Variants in CSMD1 observed in about 807,000 individuals in gnomAD.
CSMD1 encodes CUB and sushi domain-containing protein 1.
In CSMD1, 213 loss-of-function variants were observed where a neutral mutation model predicts 417.5. That is an observed-to-expected ratio of 0.51 (90% CI 0.46 to 0.57). The LOEUF (loss-of-function observed/expected upper bound fraction) is 0.57, where lower values mean the gene tolerates loss of function less well. Ranked by LOEUF, CSMD1 falls within the 20% of genes least tolerant of loss-of-function variation. CSMD1 has a pLI of 0.00. For synonymous variants in CSMD1, 2,862 were observed against 1,736.8 expected (o/e 1.65, Z -16.11); for missense variants, 6,923 against 4,529.7 (o/e 1.53, Z -15.17).
At chr8:4,650,550 G>A (rs1334744635) in intron 1 of CSMD1, among the ~76,000 whole-genome samples, 2 of 151,802 alleles carry the variant, frequency 1.3e-5, no homozygotes, top group Non-Finnish European at 2.9e-5. Context: ...TGATGCTTCT[G>A]CAGAAACAAC....
At chr8:3,700,709 G>C (rs1040116367) in intron 7 of CSMD1, 3 of 152,232 alleles carry the variant, frequency 2.0e-5, no homozygotes, top group African/African-American at 4.8e-5. Flanking sequence ...AGGCTGAGGA[G>C]AGAGGAGAGC....
chr8:3,656,186 C>T (rs1374810042), intron 7 of CSMD1, among the ~76,000 whole-genome samples: 2 of 152,160 alleles, frequency 1.3e-5, no homozygotes, highest in East Asian at 1.9e-4. Context: ...GAGAATGTTT[C>T]CTACCAGAGC....
At chr8:3,491,758 C>A (rs755885335) in intron 11 of CSMD1, among the ~76,000 whole-genome samples, 1 of 152,152 alleles carries the variant, frequency 6.6e-6, no homozygotes, top group Non-Finnish European at 1.5e-5. Context: ...CAGACTGCAT[C>A]TTTTTACTAG....
chr8:4,272,812 T>A (rs1030427898), intron 3 of CSMD1, among the ~76,000 whole-genome samples: 5 of 152,186 alleles, frequency 3.3e-5, no homozygotes, highest in African/African-American at 1.2e-4. Flanking sequence ...CTCACCACTA[T>A]ATACCTTTGC....
At chr8:4,906,054 G>A (rs918923758) in intron 1 of CSMD1, among the ~76,000 whole-genome samples, 5 of 152,080 alleles carry the variant, frequency 3.3e-5, no homozygotes, top group African/African-American at 9.6e-5. Context: ...TATACTGTAA[G>A]AAACTTTCAG....
rs1811718059 is a variant in CSMD1 at position 3,953,426 on chromosome 8, T to C, written c.818+44477A>G. Among the ~76,000 whole-genome samples, 4 of 152,202 alleles carry C rather than the reference T, an allele frequency of 2.6e-5. No homozygotes were observed. The South Asian group carries it at 6.2e-4, about 24-fold the overall frequency. Reference sequence around the variant, plus strand: ...GTGTAATGAGTATATAGAATGTTTCTACTCAAAAATTATTTTGCACAGAGA... The same window carrying C: ...GTGTAATGAGTATATAGAATGTTTCCACTCAAAAATTATTTTGCACAGAGA... On this transcript the variant is annotated intron_variant, in intron 5 of 69. Coordinates refer to ENST00000635120, the MANE Select transcript of CSMD1 (RefSeq NM_033225.6).
At chr8:4,307,712 T>TG (rs1345892744) in intron 3 of CSMD1, among the ~76,000 whole-genome samples, 1 of 152,164 alleles carries the variant, frequency 6.6e-6, no homozygotes, top group Non-Finnish European at 1.5e-5. Flanking sequence ...ACGATGCTCT[T>TG]GACCATGAGT....
At chr8:3,415,421 G>A (rs563746225) in intron 12 of CSMD1, among the ~76,000 whole-genome samples, 184 of 152,330 alleles carry the variant, frequency 1.2e-3, no homozygotes, top group African/African-American at 4.2e-3. Context: ...GCAGTGGCAC[G>A]ATCTCAGCTC....
intron 3 of CSMD1, among the ~76,000 whole-genome samples, chr8:4,066,029 G>A (rs987548660): frequency 2.0e-5 from 3 of 152,192 alleles, no homozygotes; most frequent in African/African-American, 7.2e-5. Flanking sequence ...GAGGAAGTCA[G>A]AAGGAGCCCT....
At chr8:3,448,376 AG>A (rs1339679585) in intron 12 of CSMD1, among the ~76,000 whole-genome samples, 3 of 11,494 alleles carry the variant, frequency 2.6e-4, no homozygotes, top group African/African-American at 1.3e-3. Flanking sequence ...GGAGGAAGGG[AG>A]GGGGAGGAGG....
chr8:4,083,250 A>C (rs1369071838), intron 3 of CSMD1, among the ~76,000 whole-genome samples: 1 of 152,012 alleles, frequency 6.6e-6, no homozygotes, highest in Non-Finnish European at 1.5e-5. Context: ...AAGTGTTCTT[A>C]TTTCTCCACA....
chr8:3,234,489 A>G (rs1000522899), intron 26 of CSMD1, among the ~76,000 whole-genome samples: 1 of 152,076 alleles, frequency 6.6e-6, no homozygotes, highest in African/African-American at 2.4e-5. Flanking sequence ...CTCTCAGTGG[A>G]GATCTAGAAG....
At chr8:2,971,157 G>C (rs371566583) in intron 57 of CSMD1, among the ~76,000 whole-genome samples, 2 of 152,032 alleles carry the variant, frequency 1.3e-5, no homozygotes, top group Non-Finnish European at 2.9e-5. Context: ...ATGCAATGTT[G>C]TCTCATACAC....
intron 3 of CSMD1, among the ~76,000 whole-genome samples, chr8:4,107,880 C>G (rs1490752424): frequency 2.6e-5 from 4 of 152,206 alleles, no homozygotes; most frequent in East Asian, 3.9e-4. Flanking sequence ...ATTACTCACT[C>G]TTTCATCTTC....
chr8:4,504,311 T>G (rs1154100), intron 2 of CSMD1, among the ~76,000 whole-genome samples: 36,611 of 151,976 alleles, frequency 0.24, 5,360 homozygotes, highest in African/African-American at 0.42. Context: ...GGTTGCCAGG[T>G]GTAGGGAAGA....
chr8:4,677,591 T>G (rs1805776784), intron 1 of CSMD1, among the ~76,000 whole-genome samples: 1 of 152,138 alleles, frequency 6.6e-6, no homozygotes, highest in Admixed American at 6.6e-5. Context: ...CCTAAGTAAT[T>G]TTTCTTTATA....
intron 1 of CSMD1, among the ~76,000 whole-genome samples, chr8:4,972,790 G>C (rs762854315): frequency 1.3e-5 from 2 of 152,138 alleles, no homozygotes; most frequent in African/African-American, 4.8e-5. Flanking sequence ...CATGAAGTTA[G>C]GAGCTAGGTG....
chr8:4,849,897 G>A (rs1004926340), intron 1 of CSMD1, among the ~76,000 whole-genome samples: 1 of 152,084 alleles, frequency 6.6e-6, no homozygotes, highest in Non-Finnish European at 1.5e-5. Context: ...TATTAGAAAT[G>A]GCATTTCTCG....
At position 4,624,545 on chromosome 8, in the gene CSMD1, G is replaced by A. The variant is rs139487239; in HGVS notation, c.302+12797C>T. 4.0e-4 allele frequency among the ~76,000 whole-genome samples: 61 copies of A among 152,212 alleles called. 1 individual carries two copies. The South Asian group carries it at 5.4e-3, about 13-fold the overall frequency. On this transcript the variant is annotated intron_variant, in intron 2 of 69. Coordinates refer to ENST00000635120, the MANE Select transcript of CSMD1 (RefSeq NM_033225.6). ...TTTGGCCTGCACTGGAATTTAAACC[G>A]GAGGGGATTTCACATATTGAAGATT...
Sources: gnomAD v4.1 joint callset for allele counts (sites outside exome capture counted in the v4.1 genomes callset) on GRCh38, gnomAD v4.1.1 for gene constraint, MANE v1.5 for transcripts, NCBI Gene and HGNC (gene_info 2026-07-23, HGNC 2026-07-21) for gene names.